Variants in CSMD3 observed in about 807,000 individuals in gnomAD.
CSMD3 encodes CUB and sushi domain-containing protein 3.
In CSMD3, 177 loss-of-function variants were observed where a neutral mutation model predicts 435.2. The observed-to-expected ratio is 0.41, with a 90% confidence interval of 0.36 to 0.46. CSMD3 has a LOEUF of 0.46. CSMD3 is among the 20% of genes least tolerant of loss of function. The pLI, the probability that CSMD3 is intolerant of heterozygous loss-of-function variation, is 0.34. For missense variants in CSMD3, 4,265 were observed against 4,504.6 expected (o/e 0.95, Z 1.52); for synonymous variants, 1,656 against 1,520.5 (o/e 1.09, Z -2.07).
chr8:112,887,650 A>G (rs570814811), intron 10 of CSMD3, among the ~76,000 whole-genome samples: 8 of 151,658 alleles, frequency 5.3e-5, no homozygotes, highest in African/African-American at 1.7e-4. Flanking sequence ...ATTATTTTAT[A>G]GTATGGATAG....
intron 13 of CSMD3, among the ~76,000 whole-genome samples, chr8:112,735,213 G>A (rs1018276306): frequency 3.9e-5 from 6 of 152,016 alleles, no homozygotes; most frequent in African/African-American, 1.4e-4. Flanking sequence ...AGCGAAGTAT[G>A]AGCTGAAGTT....
chr8:113,193,179 T>A (rs568328398), intron 3 of CSMD3, among the ~76,000 whole-genome samples: 6 of 151,262 alleles, frequency 4.0e-5, no homozygotes, highest in Admixed American at 2.0e-4. Flanking sequence ...TTATTCCATC[T>A]CGTATTCGTA....
chr8:112,721,440 T>C (rs1390321950), intron 13 of CSMD3, among the ~76,000 whole-genome samples: 1 of 151,842 alleles, frequency 6.6e-6, no homozygotes, highest in Non-Finnish European at 1.5e-5. Context: ...CTCGGCATGG[T>C]GGTGGGAGGC....
chr8:113,198,706 A>T (rs991770406), intron 3 of CSMD3, among the ~76,000 whole-genome samples: 2 of 151,302 alleles, frequency 1.3e-5, no homozygotes, highest in African/African-American at 4.8e-5. Context: ...TGACTTAATC[A>T]TTACTCCCTT....
chr8:112,633,472 T>A (rs1436107441), intron 22 of CSMD3, among the ~76,000 whole-genome samples: 1 of 152,052 alleles, frequency 6.6e-6, no homozygotes, highest in Non-Finnish European at 1.5e-5. Context: ...GTATTAAACT[T>A]ACTTTCACAA....
chr8:112,878,180 C>T (rs1445460085), intron 10 of CSMD3, among the ~76,000 whole-genome samples: 2 of 152,046 alleles, frequency 1.3e-5, no homozygotes, highest in Non-Finnish European at 2.9e-5. Flanking sequence ...TGACAAAGGG[C>T]TAATATACAG....
chr8:112,590,145 C>A (rs868307484), intron 22 of CSMD3, among the ~76,000 whole-genome samples: 4 of 151,898 alleles, frequency 2.6e-5, no homozygotes, highest in Non-Finnish European at 5.9e-5. Flanking sequence ...TAGGTTGATT[C>A]CATAGATAAT....
intron 5 of CSMD3, among the ~76,000 whole-genome samples, chr8:113,041,958 C>T (rs913096288): frequency 3.9e-5 from 6 of 152,122 alleles, no homozygotes; most frequent in African/African-American, 1.4e-4. Flanking sequence ...ACTCTATTCT[C>T]CATTTGCTTA....
chr8:113,084,559 T>C (rs1483901286), intron 5 of CSMD3, among the ~76,000 whole-genome samples: 1 of 143,748 alleles, frequency 7.0e-6, no homozygotes, highest in Admixed American at 7.2e-5. Flanking sequence ...GGAATCTCTA[T>C]CAAAATACCA....
At chr8:112,932,497 T>G (rs2083142463) in intron 9 of CSMD3, among the ~76,000 whole-genome samples, 1 of 152,072 alleles carries the variant, frequency 6.6e-6, no homozygotes, top group Non-Finnish European at 1.5e-5. Flanking sequence ...CCGCCTGCCT[T>G]GGCCTCCCAA....
At chr8:112,363,966 A>C (rs1030368731) in intron 38 of CSMD3, among the ~76,000 whole-genome samples, 4 of 152,060 alleles carry the variant, frequency 2.6e-5, no homozygotes, top group Non-Finnish European at 5.9e-5. Flanking sequence ...AATTAGTGTA[A>C]GTAAAAATAC....
intron 38 of CSMD3, among the ~76,000 whole-genome samples, chr8:112,365,984 T>C (rs1827752428): frequency 6.6e-6 from 1 of 152,166 alleles, no homozygotes; most frequent in Non-Finnish European, 1.5e-5. Flanking sequence ...GCTTTCAATT[T>C]CAATGGAAAT....
chr8:112,537,129 C>A (rs940337799), intron 27 of CSMD3, among the ~76,000 whole-genome samples: 2 of 151,782 alleles, frequency 1.3e-5, no homozygotes, highest in African/African-American at 4.8e-5. Context: ...CGTAACTAAC[C>A]TGCACATTGT....
chr8:112,798,838 TGCC>T (rs1285101822), intron 13 of CSMD3, among the ~76,000 whole-genome samples: 1 of 151,850 alleles, frequency 6.6e-6, no homozygotes, highest in Non-Finnish European at 1.5e-5. Context: ...AATATAAGAA[TGCC>T]AGGTTTCCTT....
chr8:112,990,422 A>G lies in CSMD3; in HGVS notation c.1031-14274T>C, dbSNP rs142124339. Among the ~76,000 whole-genome samples the G allele has an allele frequency of 6.6e-3, 1,002 of 152,086 alleles. 12 individuals are homozygous for G. The highest frequency in any genetic ancestry group is 0.023 in the African/African-American group (961 of 41,518). On this transcript the variant is annotated intron_variant, in intron 6 of 70. Transcript: ENST00000297405. ...ATACATGACTTGTCTTTCACAAGCC[A>G]TGTTTAACTGAAACAATGGGTTAAA...
At chr8:112,353,988 G>A (rs927879025) in intron 38 of CSMD3, among the ~76,000 whole-genome samples, 16 of 152,148 alleles carry the variant, frequency 1.1e-4, no homozygotes, top group African/African-American at 3.6e-4. Context: ...ATATCAAAAA[G>A]TTAATTCACC....
rs776700662 is a variant in CSMD3 at position 112,689,904 on chromosome 8, T to C, written c.2119A>G (p.Asn707Asp). 1.5e-5 allele frequency: 25 copies of C among 1,613,202 alleles called. No homozygotes were observed. The South Asian group carries it at 2.5e-4, about 16-fold the overall frequency. The change falls in exon 14 of 71, where the codon AAT becomes GAT. Residue 707 changes from asparagine (N) to aspartate (D), a missense_variant. Around this residue, in one of 3 missense-constraint regions of CSMD3, gnomAD observed 279 missense variants for 369.0 expected, o/e 0.76. Coordinates refer to ENST00000297405, the MANE Select transcript of CSMD3 (RefSeq NM_198123.2). ...GGTATGTTTGCAGACCATTGGTTAT[T>C]CTCTTGACAAACAATGGATTTCTCT... is the stretch of plus-strand genomic sequence containing the variant. ...IGEKSIVCQENNQWSANIPIC... is the reference protein window; with the variant it reads ...IGEKSIVCQEDNQWSANIPIC...
rs770867596 is a variant in CSMD3, at chr8:112,306,041, T to G, written c.8037A>C (p.Thr2679=). 1 of 1,613,920 alleles carries G rather than the reference T, an allele frequency of 6.2e-7. No homozygotes were observed. The highest frequency in any genetic ancestry group is 8.5e-7 in the Non-Finnish European group (1 of 1,179,870). ...GAGGGGTCTTGTTATGATTGCTCCA[T>G]GTTCCATCTGATTGGCATACAGCTG... The part of the protein sequence containing the change: ...LTTAVCQSDG[T]WSNHNKTPRC... Residue 2679 remains threonine, a synonymous_variant, in exon 51 of 71, where the codon ACA becomes ACC. Transcript: ENST00000297405.
At chr8:113,064,468 G>A (rs1564272057) in intron 5 of CSMD3, among the ~76,000 whole-genome samples, 1 of 152,036 alleles carries the variant, frequency 6.6e-6, no homozygotes. Context: ...AAAACTTGGG[G>A]TTTTTTAAAA....
Sources: allele counts gnomAD v4.1 joint callset (sites outside exome capture counted in the v4.1 genomes callset), GRCh38; gene constraint gnomAD v4.1.1; regional missense constraint gnomAD v4.1.1; transcripts MANE v1.5; gene names NCBI Gene and HGNC (gene_info 2026-07-23, HGNC 2026-07-21).